SIN3A: variants seen among roughly 807,000 people sequenced by gnomAD.
SIN3A encodes the protein SIN3 transcription regulator family member A.
SIN3A carries 14 observed loss-of-function variants against 146.1 expected under a neutral mutation model. The observed-to-expected ratio is 0.10, with a 90% CI of 0.06 to 0.15. The LOEUF is 0.15. SIN3A is among the 10% of genes least tolerant of loss of function. The pLI is 1.00. For synonymous variants in SIN3A, 572 were observed against 572.0 expected (o/e 1.00, Z 0.00); for missense variants, 1,028 against 1,576.0 (o/e 0.65, Z 5.89).
rs1170055325 is a variant in SIN3A, at chr15:75,371,734, A to C, written c.*245T>G. ...GCTTGCATGGACTTCCTTCCCCTCCAGGGCAGGCTATACCCAAAACCCTTT... is the reference window on the plus strand; with the variant it reads ...GCTTGCATGGACTTCCTTCCCCTCCCGGGCAGGCTATACCCAAAACCCTTT... On this transcript the variant is annotated 3_prime_UTR_variant, in exon 21 of 21. Transcript: ENST00000394947. 4.1e-6 allele frequency: 2 copies of C among 493,134 alleles called. No individual in the cohort carries two copies. The highest frequency in any genetic ancestry group is 7.2e-6 in the Non-Finnish European group (2 of 278,368). 30.5% of individuals were successfully genotyped at this position (493,134 alleles called of 1,614,324 possible).
At chr15:75,438,813 GT>G (rs1473544041) in intron 1 of SIN3A, among the ~76,000 whole-genome samples, 4 of 152,166 alleles carry the variant, frequency 2.6e-5, no homozygotes, top group Admixed American at 1.3e-4. Flanking sequence ...ACAATGGAAA[GT>G]TTCTCTTCAA....
chr15:75,438,084 G>T (rs538664016), intron 1 of SIN3A, among the ~76,000 whole-genome samples: 1 of 152,260 alleles, frequency 6.6e-6, no homozygotes, highest in African/African-American at 2.4e-5. Context: ...AATAAAACTG[G>T]GCGCGGTGGT....
Position 75,381,671 on chromosome 15 carries a change from A to T in SIN3A, c.3230T>A (p.Leu1077Gln). The change falls in exon 18 of 21, where the codon CTG becomes CAG. Residue 1077 changes from leucine (L) to glutamine (Q), a missense_variant. Transcript: ENST00000394947. ...TTCTGTGTCCAGAAGCTCAATAGTC[A>T]GCTGGACCTGGCCTTGGCTCTGAAT... ...MFIQSQGQVQ[L>Q]TIELLDTEEE... 1 of 1,614,012 alleles carries T rather than the reference A, an allele frequency of 6.2e-7. No homozygotes were observed. Among genetic ancestry groups the T allele is most frequent in the Non-Finnish European group, 8.5e-7 (1 of 1,179,928 alleles).
upstream of SIN3A, among the ~76,000 whole-genome samples, chr15:75,454,395 T>G (rs1460289618): frequency 3.3e-5 from 5 of 151,700 alleles, no homozygotes; most frequent in Non-Finnish European, 7.4e-5. Context: ...GCGGAGTAGA[T>G]AGTAAACAGT....
chr15:75,392,093 C>T, intron 15 of SIN3A, 149 bp downstream of exon 15: 1 of 732,896 alleles, frequency 1.4e-6, no homozygotes. Flanking sequence ...ACTAGAGCCT[C>T]CATTTTTCAG....
chr15:75,454,418 G>A (rs961320160), upstream of SIN3A, among the ~76,000 whole-genome samples: 3 of 151,710 alleles, frequency 2.0e-5, no homozygotes, highest in Non-Finnish European at 2.9e-5. Flanking sequence ...GGGCCGAGGA[G>A]TGCAGGCAAG....
intron 12 of SIN3A, among the ~76,000 whole-genome samples, chr15:75,398,214 C>T (rs1370404400): frequency 6.6e-6 from 1 of 152,172 alleles, no homozygotes; most frequent in Non-Finnish European, 1.5e-5. Context: ...CATTTTACAT[C>T]TTTAGACAAA....
At chr15:75,415,206 T>C (rs1382440306) in intron 3 of SIN3A, 1 of 152,214 alleles carries the variant, frequency 6.6e-6, no homozygotes, top group Non-Finnish European at 1.5e-5. Flanking sequence ...TGAATTATAG[T>C]ACTGGCCCAG....
intron 1 of SIN3A, chr15:75,446,100 C>T (rs1196847373): frequency 6.6e-6 from 1 of 152,062 alleles, no homozygotes; most frequent in African/African-American, 2.4e-5. Flanking sequence ...CCTCAAGAAG[C>T]TTATATTTTA....
chr15:75,393,924 C>A (rs188863594), intron 14 of SIN3A, among the ~76,000 whole-genome samples: 206 of 152,266 alleles, frequency 1.4e-3, no homozygotes, highest in African/African-American at 4.5e-3. Flanking sequence ...TCTCCCACCT[C>A]ATTCTGCCGA....
chr15:75,381,745 C>G (rs1359582774), intron 17 of SIN3A, 40 bp from the exon 18 acceptor site: 1 of 1,480,798 alleles, frequency 6.8e-7, no homozygotes, highest in Non-Finnish European at 9.4e-7. Flanking sequence ...AAGACCGTCT[C>G]TGTAGCTGTA....
Position 75,413,050 on chromosome 15 carries a change from T to TA in SIN3A, c.474-6dup, listed in dbSNP as rs780314961. The TA allele has an allele frequency of 5.7e-6, 9 of 1,584,954 alleles. No homozygotes were observed. The highest frequency in any genetic ancestry group is 2.7e-5 in the African/African-American group (2 of 72,758). On this transcript the variant is annotated splice_region_variant and splice_polypyrimidine_tract_variant and intron_variant, in intron 4 of 20. Transcript: ENST00000394947. ...ATCACTCCTGGGGTGTCGATGCTGATAAAAAACAAAAAGAAAAGTGATAAA... is the reference window on the plus strand; with the variant it reads ...ATCACTCCTGGGGTGTCGATGCTGATAAAAAAACAAAAAGAAAAGTGATAAA...
chr15:75,442,120 CAAAAAAAAAAAAAAAAAAA>C (rs57418865), intron 1 of SIN3A, among the ~76,000 whole-genome samples: 2 of 29,278 alleles, frequency 6.8e-5, no homozygotes, highest in East Asian at 1.9e-3. Flanking sequence ...GACTCTGTCT[CAAAAAAAAAAAAAAAAAAA>C]AAAAAAAAAA....
chr15:75,414,355 T>C, intron 3 of SIN3A, 44 bp from the exon 4 acceptor site: 2 of 1,070,906 alleles, frequency 1.9e-6, no homozygotes, highest in Non-Finnish European at 2.6e-6. Context: ...GAAAGTAAGC[T>C]CATAATTACA....
At chr15:75,438,208 A>G (rs1459343754) in intron 1 of SIN3A, among the ~76,000 whole-genome samples, 1 of 152,092 alleles carries the variant, frequency 6.6e-6, no homozygotes, top group Non-Finnish European at 1.5e-5. Context: ...TAAAGCACGA[A>G]AAACAAATTA....
At chr15:75,405,628 G>A (rs1002724062) in intron 9 of SIN3A, among the ~76,000 whole-genome samples, 1 of 152,060 alleles carries the variant, frequency 6.6e-6, no homozygotes, top group South Asian at 2.1e-4. Context: ...GTAGGCGCCT[G>A]TAGTCCCAGC....
At chr15:75,450,996 G>C (rs2074394616) in intron 1 of SIN3A, among the ~76,000 whole-genome samples, 1 of 149,564 alleles carries the variant, frequency 6.7e-6, no homozygotes, top group African/African-American at 2.5e-5. Flanking sequence ...GCCGCGCCCT[G>C]AATCTACACG....
At chr15:75,402,697 C>A (rs374885277) in intron 9 of SIN3A, among the ~76,000 whole-genome samples, 2 of 152,046 alleles carry the variant, frequency 1.3e-5, no homozygotes, top group African/African-American at 4.8e-5. Flanking sequence ...TGCAGTGGTG[C>A]GATCTCAGCT....
chr15:75,448,890 C>A (rs2074353796), intron 1 of SIN3A, among the ~76,000 whole-genome samples: 2 of 152,184 alleles, frequency 1.3e-5, no homozygotes, highest in African/African-American at 4.8e-5. Flanking sequence ...GAAAAAAAGT[C>A]TTTCTCTGTA....
Sources: gnomAD v4.1 joint callset for allele counts (sites outside exome capture counted in the v4.1 genomes callset) on GRCh38, gnomAD v4.1.1 for gene constraint, MANE v1.5 for transcripts, NCBI Gene and HGNC (gene_info 2026-07-23, HGNC 2026-07-21) for gene names.